Variants in FOCAD observed in about 807,000 individuals in gnomAD.
FOCAD encodes the protein KIAA1797.
FOCAD carries 198 observed loss-of-function variants against 225.6 expected under a neutral mutation model. The observed-to-expected ratio is 0.88, with a 90% CI of 0.78 to 0.99. FOCAD has a LOEUF of 0.99. FOCAD is among the 50% of genes least tolerant of loss of function. The probability of loss-of-function intolerance (pLI) is 0.00; values close to 1 mark genes in which losing one functional copy is unlikely to be tolerated. For missense variants in FOCAD, 2,713 were observed against 2,123.6 expected (o/e 1.28, Z -5.46); for synonymous variants, 897 against 755.0 (o/e 1.19, Z -3.08).
intron 24 of FOCAD, among the ~76,000 whole-genome samples, chr9:20,920,066 G>A (rs1368053265): frequency 6.6e-6 from 1 of 152,122 alleles, no homozygotes; most frequent in Non-Finnish European, 1.5e-5. Flanking sequence ...CTACTCATCT[G>A]ACAAAGGGCT....
Position 20,938,621 on chromosome 9 carries a change from C to G in FOCAD, c.3407+5518C>G, listed in dbSNP as rs1587669096. Among the ~76,000 whole-genome samples the G allele has an allele frequency of 2.0e-5, 3 of 151,884 alleles. No individual in the cohort carries two copies. The South Asian group carries it at 6.2e-4, about 32-fold the overall frequency. On this transcript the variant is annotated intron_variant, in intron 28 of 43. Transcript: ENST00000338382. ...GGAGGGATAGCATTAGGGGATATAC[C>G]TAATGTTAAATGACAAGTTAATGGG...
intron 35 of FOCAD, among the ~76,000 whole-genome samples, chr9:20,964,019 G>A (rs1839020187): frequency 6.6e-6 from 1 of 152,164 alleles, no homozygotes; most frequent in South Asian, 2.1e-4. Context: ...GAATGAATGA[G>A]TGTGTTTATA....
At chr9:20,968,526 C>T (rs935584974) in intron 35 of FOCAD, among the ~76,000 whole-genome samples, 1 of 147,116 alleles carries the variant, frequency 6.8e-6, no homozygotes, top group African/African-American at 2.5e-5. Flanking sequence ...ACTGCAACCT[C>T]CACCTCCTGG....
chr9:20,779,000 C>T (rs189721244), intron 9 of FOCAD, among the ~76,000 whole-genome samples: 115 of 152,076 alleles, frequency 7.6e-4, no homozygotes, highest in Middle Eastern at 3.4e-3. Flanking sequence ...ATAATCTAAC[C>T]TTATATGGCA....
intron 8 of FOCAD, among the ~76,000 whole-genome samples, chr9:20,776,112 A>G (rs1818730105): frequency 6.6e-6 from 1 of 152,188 alleles, no homozygotes; most frequent in African/African-American, 2.4e-5. Flanking sequence ...GGCATCATCA[A>G]GTAGGCTACT....
At chr9:20,854,545 C>A (rs1827978039) in intron 15 of FOCAD, among the ~76,000 whole-genome samples, 1 of 151,716 alleles carries the variant, frequency 6.6e-6, no homozygotes, top group African/African-American at 2.4e-5. Context: ...TCCCAGCCTA[C>A]CACACTGCAT....
At chr9:20,745,821 G>A (rs1827994774) in intron 5 of FOCAD, among the ~76,000 whole-genome samples, 1 of 152,166 alleles carries the variant, frequency 6.6e-6, no homozygotes, top group Admixed American at 6.5e-5. Flanking sequence ...TTAAATGTTC[G>A]TGGCAGATGG....
At chr9:20,748,466 C>T (rs1354736219) in intron 5 of FOCAD, among the ~76,000 whole-genome samples, 3 of 151,944 alleles carry the variant, frequency 2.0e-5, no homozygotes, top group Non-Finnish European at 2.9e-5. Context: ...TGGACTTTCT[C>T]CTATTATAGA....
chr9:20,813,099 A>G (rs1467271856), intron 11 of FOCAD, among the ~76,000 whole-genome samples: 1 of 152,290 alleles, frequency 6.6e-6, no homozygotes, highest in South Asian at 2.1e-4. Flanking sequence ...GATACTTCAT[A>G]TAAGTGGAAT....
At chr9:20,785,196 G>T (rs1317452166) in intron 10 of FOCAD, among the ~76,000 whole-genome samples, 1 of 152,148 alleles carries the variant, frequency 6.6e-6, no homozygotes, top group Non-Finnish European at 1.5e-5. Context: ...ATAACTTACT[G>T]TCATGCAGTG....
chr9:20,862,980 A>G (rs972208943), intron 16 of FOCAD: 4 of 254,574 alleles, frequency 1.6e-5, no homozygotes, highest in African/African-American at 4.5e-5. Flanking sequence ...TTCCAAAATA[A>G]TAGAATTCAT....
intron 1 of FOCAD, among the ~76,000 whole-genome samples, chr9:20,704,840 T>C (rs1464261674): frequency 6.6e-6 from 1 of 152,224 alleles, no homozygotes; most frequent in Non-Finnish European, 1.5e-5. Context: ...ATAATGTTAG[T>C]CAAGATTTTC....
At chr9:20,676,842 T>C (rs1242803477) in intron 2 of FOCAD, among the ~76,000 whole-genome samples, 7 of 151,900 alleles carry the variant, frequency 4.6e-5, no homozygotes, top group East Asian at 1.9e-4. Context: ...TTCAATACAA[T>C]CCCTAAAAAA....
At chr9:20,758,611 C>T (rs541661539) in intron 6 of FOCAD, among the ~76,000 whole-genome samples, 24 of 149,162 alleles carry the variant, frequency 1.6e-4, no homozygotes, top group African/African-American at 5.4e-4. Context: ...TGAGACTATG[C>T]GGTGTTTGGT....
chr9:20,697,179 A>T (rs756620140), intron 1 of FOCAD, among the ~76,000 whole-genome samples: 1 of 152,162 alleles, frequency 6.6e-6, no homozygotes, highest in Non-Finnish European at 1.5e-5. Context: ...ACCTCTTCCC[A>T]CTATCTCTAC....
intron 38 of FOCAD, among the ~76,000 whole-genome samples, chr9:20,981,950 T>C (rs1204609389): frequency 6.6e-6 from 1 of 152,144 alleles, no homozygotes; most frequent in Non-Finnish European, 1.5e-5. Context: ...ACCAAATGCC[T>C]CTTGTAGAAG....
intron 9 of FOCAD, among the ~76,000 whole-genome samples, 162 bp downstream of exon 9, chr9:20,778,930 C>T (rs906828446): frequency 2.0e-5 from 3 of 151,896 alleles, no homozygotes; most frequent in African/African-American, 7.3e-5. Flanking sequence ...TAAGTTGTTA[C>T]CTTGTGCAAG....
intron 15 of FOCAD, among the ~76,000 whole-genome samples, chr9:20,849,336 C>T (rs116321915): frequency 2.0e-5 from 3 of 151,698 alleles, no homozygotes; most frequent in African/African-American, 7.3e-5. Flanking sequence ...CATCTATCCT[C>T]TCCTTTCCCC....
intron 11 of FOCAD, among the ~76,000 whole-genome samples, chr9:20,805,648 A>G: frequency 6.6e-6 from 1 of 152,112 alleles, no homozygotes; most frequent in Non-Finnish European, 1.5e-5. Flanking sequence ...GGAACTGTTA[A>G]CAGTGATGTG....
Sources: gnomAD v4.1 joint callset for allele counts (sites outside exome capture counted in the v4.1 genomes callset) on GRCh38, gnomAD v4.1.1 for gene constraint, MANE v1.5 for transcripts, NCBI Gene and HGNC (gene_info 2026-07-23, HGNC 2026-07-21) for gene names.